The following NAALADL2 variants were observed in gnomAD, a reference collection of about 807,000 sequenced individuals.
NAALADL2 encodes N-acetylated alpha-linked acidic dipeptidase like 2.
A neutral mutation model predicts 87.2 loss-of-function variants in NAALADL2; 76 were observed. The observed-to-expected ratio is 0.87, with a 90% CI of 0.72 to 1.05. NAALADL2 has a LOEUF of 1.05. Among genes scored for constraint, NAALADL2 ranks in the 50% least tolerant of loss-of-function variants. The pLI is 0.00. For synonymous variants in NAALADL2, 354 were observed against 331.0 expected, an observed-to-expected ratio of 1.07 and a Z score of -0.75; for missense variants, 1,089 against 945.8, an observed-to-expected ratio of 1.15 and a Z score of -1.99.
intron 1 of NAALADL2, among the ~76,000 whole-genome samples, chr3:174,970,479 A>T (rs575806889): frequency 3.3e-5 from 5 of 152,292 alleles, no homozygotes. Flanking sequence ...TCAACTTCTC[A>T]TTAATTATAA....
intron 13 of NAALADL2, among the ~76,000 whole-genome samples, chr3:175,802,010 T>G (rs958493801): frequency 6.6e-6 from 1 of 151,970 alleles, no homozygotes; most frequent in Admixed American, 6.6e-5. Context: ...ATTACCCAGT[T>G]TCAACAATTA....
At chr3:175,376,054 C>T (rs1661296768) in intron 5 of NAALADL2, among the ~76,000 whole-genome samples, 1 of 151,956 alleles carries the variant, frequency 6.6e-6, no homozygotes, top group South Asian at 2.1e-4. Context: ...TTTTCTCTCC[C>T]ATATTTTGTT....
intron 1 of NAALADL2, among the ~76,000 whole-genome samples, chr3:174,465,182 C>T (rs548778092): frequency 6.6e-6 from 1 of 151,728 alleles, no homozygotes; most frequent in South Asian, 2.1e-4. Context: ...TTATGATTCT[C>T]TGTGTGTGTG....
At chr3:175,040,784 G>T (rs1753980657) in intron 1 of NAALADL2, among the ~76,000 whole-genome samples, 1 of 152,092 alleles carries the variant, frequency 6.6e-6, no homozygotes, top group Non-Finnish European at 1.5e-5. Context: ...AACAAATTCA[G>T]TCTCTGTGAA....
At chr3:174,603,960 A>C (rs991511529) in intron 2 of NAALADL2, among the ~76,000 whole-genome samples, 11 of 152,140 alleles carry the variant, frequency 7.2e-5, no homozygotes, top group African/African-American at 2.7e-4. Flanking sequence ...TGAGTGTTTT[A>C]ACATTGTTTT....
At chr3:175,207,265 A>G (rs935818159) in intron 2 of NAALADL2, among the ~76,000 whole-genome samples, 1 of 152,108 alleles carries the variant, frequency 6.6e-6, no homozygotes, top group Admixed American at 6.6e-5. Context: ...TGGAGACTAG[A>G]AGGTTTGGAA....
At chr3:175,573,614 AT>A (rs1419042651) in intron 9 of NAALADL2, among the ~76,000 whole-genome samples, 1 of 152,222 alleles carries the variant, frequency 6.6e-6, no homozygotes. Flanking sequence ...GGTGCTCGGG[AT>A]TTATAACATG....
chr3:174,969,500 A>C (rs1253258057), intron 1 of NAALADL2, among the ~76,000 whole-genome samples: 1 of 152,244 alleles, frequency 6.6e-6, no homozygotes, highest in Non-Finnish European at 1.5e-5. Flanking sequence ...TTTGTGAATT[A>C]ATTCATGAAC....
At chr3:175,118,156 G>GT (rs1392340230) in intron 2 of NAALADL2, among the ~76,000 whole-genome samples, 5 of 151,884 alleles carry the variant, frequency 3.3e-5, no homozygotes, top group Non-Finnish European at 7.4e-5. Flanking sequence ...TATACCTAAT[G>GT]TAAATGACGA....
intron 2 of NAALADL2, among the ~76,000 whole-genome samples, chr3:174,715,519 GGCATTCTCACATTTCACTGGA>G (rs1731098637): frequency 6.6e-6 from 1 of 152,106 alleles, no homozygotes; most frequent in Non-Finnish European, 1.5e-5. Flanking sequence ...AATATGGATA[GGCATTCTCACATTTCACTGGA>G]GAATGGGTTT....
chr3:175,761,960 T>C (rs771208281), intron 13 of NAALADL2, among the ~76,000 whole-genome samples: 6 of 152,202 alleles, frequency 3.9e-5, no homozygotes, highest in Non-Finnish European at 8.8e-5. Flanking sequence ...TTTCATTCTC[T>C]TAACAGTACC....
chr3:175,246,001 T>C (rs998332408), intron 3 of NAALADL2, among the ~76,000 whole-genome samples: 6 of 152,200 alleles, frequency 3.9e-5, no homozygotes, highest in African/African-American at 1.4e-4. Context: ...GGGAAGGCAG[T>C]GTTGGTTTTC....
At chr3:175,216,568 C>G (rs1742546838) in intron 2 of NAALADL2, among the ~76,000 whole-genome samples, 1 of 151,188 alleles carries the variant, frequency 6.6e-6, no homozygotes, top group African/African-American at 2.4e-5. Context: ...GGATGGAGGT[C>G]TTTAGTGAGG....
intron 1 of NAALADL2, among the ~76,000 whole-genome samples, chr3:174,877,800 A>G (rs982441733): frequency 6.6e-6 from 1 of 152,092 alleles, no homozygotes; most frequent in African/African-American, 2.4e-5. Flanking sequence ...GAAAGTACGG[A>G]AGGGTTTTTG....
chr3:174,498,393 C>T (rs1028157848), intron 1 of NAALADL2, among the ~76,000 whole-genome samples: 1 of 151,634 alleles, frequency 6.6e-6, no homozygotes, highest in African/African-American at 2.4e-5. Context: ...GAGTAGTATT[C>T]CATTGTATAG....
upstream of NAALADL2, among the ~76,000 whole-genome samples, chr3:174,857,860 C>T (rs1258806262): frequency 2.6e-5 from 4 of 151,986 alleles, no homozygotes; most frequent in Non-Finnish European, 4.4e-5. Flanking sequence ...AGACAACTCC[C>T]AATTGCAATC....
intron 2 of NAALADL2, among the ~76,000 whole-genome samples, chr3:174,615,166 G>A (rs993540186): frequency 4.6e-5 from 7 of 152,162 alleles, no homozygotes; most frequent in African/African-American, 1.7e-4. Context: ...AGAAAGGCTT[G>A]CACAGGCCCA....
intron 5 of NAALADL2, among the ~76,000 whole-genome samples, chr3:175,329,748 T>C (rs1761177285): frequency 6.6e-6 from 1 of 152,190 alleles, no homozygotes; most frequent in Non-Finnish European, 1.5e-5. Flanking sequence ...TTAGAACCAC[T>C]TATGGTGTGG....
intron 1 of NAALADL2, among the ~76,000 whole-genome samples, chr3:175,013,044 TATAC>T (rs1459887554): frequency 3.8e-5 from 2 of 52,644 alleles, no homozygotes; most frequent in Non-Finnish European, 5.0e-5. Flanking sequence ...ATATATAATA[TATAC>T]ATAAATATAT....
Sources: allele counts gnomAD v4.1 joint callset (sites outside exome capture counted in the v4.1 genomes callset), GRCh38; gene constraint gnomAD v4.1.1; transcripts MANE v1.5; gene names NCBI Gene and HGNC (gene_info 2026-07-23, HGNC 2026-07-21).